The following TMEM51 variants were observed in gnomAD, a reference collection of about 807,000 sequenced individuals.
TMEM51 encodes transmembrane protein 51, also known as chromosome 1 open reading frame 72.
A neutral mutation model predicts 13.6 loss-of-function variants in TMEM51; 8 were observed. The ratio of observed to expected loss-of-function variants is 0.59; its 90% CI spans 0.35 to 1.07. The LOEUF is 1.07. Ranked by LOEUF, TMEM51 falls within the 50% of genes least tolerant of loss-of-function variation. The pLI, the probability that TMEM51 is intolerant of heterozygous loss-of-function variation, is 0.02. For synonymous variants in TMEM51, 147 were observed against 144.4 expected (o/e 1.02, Z -0.13); for missense variants, 279 against 330.7 (o/e 0.84, Z 1.21).
At chr1:15,181,741 C>G (rs1643622729) in intron 1 of TMEM51, among the ~76,000 whole-genome samples, 2 of 152,160 alleles carry the variant, frequency 1.3e-5, no homozygotes, top group African/African-American at 4.8e-5. Flanking sequence ...TTGTGGGAAC[C>G]ACAGCATGGG....
intron 1 of TMEM51, chr1:15,168,364 G>A (rs2100829898): frequency 9.4e-7 from 1 of 1,062,480 alleles, no homozygotes; most frequent in East Asian, 6.0e-5. Context: ...GAAGGGGAAT[G>A]GGGAAGAAAA....
chr1:15,197,222 G>A (rs887308294), intron 1 of TMEM51, among the ~76,000 whole-genome samples: 5 of 152,202 alleles, frequency 3.3e-5, no homozygotes, highest in Admixed American at 6.5e-5. Context: ...CCCAGAGTGT[G>A]GGAGGCCCTG....
intron 1 of TMEM51, among the ~76,000 whole-genome samples, chr1:15,160,302 G>C (rs4661584): frequency 0.6 from 90,963 of 151,934 alleles, 27,995 homozygotes; most frequent in East Asian, 0.91. Context: ...GAGACAGAGT[G>C]TCACTCTGTT....
At position 15,197,905 on chromosome 1, in the gene TMEM51, C is replaced by T. The variant is rs74854077; in HGVS notation, c.-266-12585C>T. Among the ~76,000 whole-genome samples the T allele has an allele frequency of 4.9e-4, 73 of 147,690 alleles. No individual in the cohort carries two copies. The East Asian group carries it at 0.013, about 27-fold the overall frequency. ...CAGCCACCACCTTTCCTCCCACAAC[C>T]GTGAACCTCTCAGCCTGTGTGGACA... On this transcript the variant is annotated intron_variant, in intron 1 of 3. Coordinates refer to ENST00000376008, the MANE Select transcript of TMEM51 (RefSeq NM_001136218.2).
At chr1:15,206,532 A>T (rs760981893) in intron 1 of TMEM51, among the ~76,000 whole-genome samples, 6 of 152,132 alleles carry the variant, frequency 3.9e-5, no homozygotes, top group Non-Finnish European at 8.8e-5. Flanking sequence ...TTTGATTATG[A>T]GTCGACTGTG....
At chr1:15,180,544 T>C (rs1049574840) in intron 1 of TMEM51, among the ~76,000 whole-genome samples, 14 of 152,218 alleles carry the variant, frequency 9.2e-5, no homozygotes, top group African/African-American at 3.4e-4. Context: ...TTATAGACAC[T>C]ATGCTGATTG....
chr1:15,180,471 G>A (rs1643581568), intron 1 of TMEM51, among the ~76,000 whole-genome samples: 1 of 152,224 alleles, frequency 6.6e-6, no homozygotes, highest in African/African-American at 2.4e-5. Context: ...TCTCTGATCA[G>A]TTTCTGCCTC....
chr1:15,206,281 A>T (rs1573441742), intron 1 of TMEM51, among the ~76,000 whole-genome samples: 1 of 145,028 alleles, frequency 6.9e-6, no homozygotes, highest in Non-Finnish European at 1.5e-5. Context: ...AGGGGAGGGG[A>T]GGGAAGGGAA....
At chr1:15,181,187 T>G (rs1193967696) in intron 1 of TMEM51, among the ~76,000 whole-genome samples, 1 of 152,172 alleles carries the variant, frequency 6.6e-6, no homozygotes, top group Non-Finnish European at 1.5e-5. Flanking sequence ...CTTAACAAGC[T>G]ACAGTGAGGA....
intron 1 of TMEM51, among the ~76,000 whole-genome samples, chr1:15,166,328 C>A (rs1418354809): frequency 6.6e-6 from 1 of 152,140 alleles, no homozygotes; most frequent in Non-Finnish European, 1.5e-5. Context: ...GTTTACCCTT[C>A]AAACTTCGAG....
At chr1:15,213,496 G>T (rs1644373924) in intron 2 of TMEM51, among the ~76,000 whole-genome samples, 1 of 152,172 alleles carries the variant, frequency 6.6e-6, no homozygotes. Context: ...CCTGTCACAG[G>T]AATAATGTAT....
chr1:15,198,009 T>G (rs1487213002), intron 1 of TMEM51, among the ~76,000 whole-genome samples: 1 of 151,654 alleles, frequency 6.6e-6, no homozygotes, highest in African/African-American at 2.4e-5. Flanking sequence ...TTTTCTCTTA[T>G]GTAAACAGAG....
intron 1 of TMEM51, among the ~76,000 whole-genome samples, chr1:15,177,583 G>A (rs935840928): frequency 3.9e-5 from 6 of 152,212 alleles, no homozygotes; most frequent in African/African-American, 1.4e-4. Context: ...GAAGGGGGGG[G>A]CCTGTCCCTG....
intron 1 of TMEM51, among the ~76,000 whole-genome samples, chr1:15,168,145 A>C (rs1487858915): frequency 6.6e-6 from 1 of 152,216 alleles, no homozygotes; most frequent in African/African-American, 2.4e-5. Context: ...GCAATAAAGT[A>C]TTATAGTGGT....
chr1:15,219,967 G>A lies in TMEM51; in HGVS notation c.*224G>A. The A allele has an allele frequency of 1.7e-6, 1 of 572,816 alleles. No individual in the cohort carries two copies. Among genetic ancestry groups the A allele is most frequent in the South Asian group, 2.3e-5 (1 of 42,680 alleles). The allele number at this position is 572,816 out of a possible 1,614,324, so 35.5% of individuals were successfully genotyped here. A position where few individuals can be genotyped will look rare whatever the true frequency, so the allele number is the denominator to read the frequency against. ...TGGAAAGAGATGCTGCCTTGGAGCT[G>A]GTGAATCTGTGGACCACATTCAAGG... On this transcript the variant is annotated 3_prime_UTR_variant, in exon 4 of 4. Coordinates refer to ENST00000376008, the MANE Select transcript of TMEM51 (RefSeq NM_001136218.2).
chr1:15,215,004 ATT>A lies in TMEM51; in HGVS notation c.-82_-81del. On this transcript the variant is annotated 5_prime_UTR_variant, in exon 3 of 4. An upstream open reading frame in the 5' UTR gains an earlier in-frame stop. Transcript: ENST00000376008. ...TGGGGCGAGAGATTTTGTGGAGCGC[ATT>A]TAAGGGGTTTTTGTTGTGACTGCTG... 7.7e-7 allele frequency: 1 copy of A among 1,294,632 alleles called. No individual in the cohort carries two copies. Among genetic ancestry groups the A allele is most frequent in the Non-Finnish European group, 1.1e-6 (1 of 939,368 alleles). The allele number at this position is 1,294,632 out of a possible 1,614,324, so 80.2% of individuals were successfully genotyped here.
chr1:15,210,281 C>T (rs1644318029), intron 1 of TMEM51, among the ~76,000 whole-genome samples: 1 of 152,194 alleles, frequency 6.6e-6, no homozygotes, highest in Non-Finnish European at 1.5e-5. Context: ...TAAATGTTAG[C>T]TACCATGTTG....
intron 1 of TMEM51, among the ~76,000 whole-genome samples, chr1:15,154,520 C>T (rs1642520281): frequency 6.6e-6 from 1 of 152,230 alleles, no homozygotes; most frequent in Admixed American, 6.5e-5. Flanking sequence ...GTTTCTTCAT[C>T]TGTGAAACTG....
intron 1 of TMEM51, among the ~76,000 whole-genome samples, chr1:15,154,894 G>A (rs1295037075): frequency 6.6e-6 from 1 of 152,018 alleles, no homozygotes; most frequent in East Asian, 1.9e-4. Context: ...AGTGGGGTGG[G>A]CGGGGACGAG....
Sources: gnomAD v4.1 joint callset for allele counts (sites outside exome capture counted in the v4.1 genomes callset) on GRCh38, gnomAD v4.1.1 for gene constraint, MANE v1.5 for transcripts, NCBI Gene and HGNC (gene_info 2026-07-23, HGNC 2026-07-21) for gene names.